MIS18BP1: variants seen among roughly 807,000 people sequenced by gnomAD.
MIS18BP1 encodes the protein mis18-binding protein 1.
Under a neutral mutation model 116.1 loss-of-function variants are expected in MIS18BP1, and 72 were observed. That is an observed-to-expected ratio of 0.62 (90% CI 0.51 to 0.75). MIS18BP1 has a LOEUF of 0.75. MIS18BP1 is among the 30% of genes least tolerant of loss of function. MIS18BP1 has a pLI of 0.00. For missense variants in MIS18BP1, 1,363 were observed against 1,303.2 expected (o/e 1.05, Z -0.71); for synonymous variants, 386 against 427.0 (o/e 0.90, Z 1.18).
chr14:45,224,730 C>G lies in MIS18BP1; in HGVS notation c.1857G>C (p.Leu619Phe). 1 of 1,572,154 alleles carries G rather than the reference C, an allele frequency of 6.4e-7. No homozygotes were observed. Among genetic ancestry groups the G allele is most frequent in the African/African-American group, 1.4e-5 (1 of 72,660 alleles). Residue 619 changes from leucine (L) to phenylalanine (F), a missense_variant, in exon 11 of 17, where the codon TTG becomes TTC. Leu to Phe is a conservative substitution (Grantham distance 22). Transcript: ENST00000310806. ...AGGTTAGAATATCAATGGATACATC[C>G]AATTCTTCAGTTGTCTCTTTAATTT... ...KSQKQETTEE[L>F]DVSIDILTSR...
At chr14:45,224,844 T>C (rs1891082967) in intron 10 of MIS18BP1, 98 bp from the exon 11 acceptor site, 1 of 950,310 alleles carries the variant, frequency 1.1e-6, no homozygotes, top group Admixed American at 3.0e-5. Context: ...AAAGATACTA[T>C]TTTTATCCAC....
At chr14:45,249,031 G>C (rs1306977626) in intron 1 of MIS18BP1, among the ~76,000 whole-genome samples, 1 of 151,068 alleles carries the variant, frequency 6.6e-6, no homozygotes, top group Non-Finnish European at 1.5e-5. Context: ...TCAGCCTCCA[G>C]AGTAGCTGGG....
chr14:45,225,510 T>C (rs1338160988), intron 10 of MIS18BP1, among the ~76,000 whole-genome samples: 1 of 152,088 alleles, frequency 6.6e-6, no homozygotes, highest in Admixed American at 6.5e-5. Context: ...CAGTAGTCAC[T>C]GAAACCTTAC....
intron 8 of MIS18BP1, among the ~76,000 whole-genome samples, chr14:45,230,190 C>T (rs1317587445): frequency 1.3e-5 from 2 of 152,162 alleles, no homozygotes; most frequent in African/African-American, 4.8e-5. Context: ...ATGTTTACAA[C>T]ATATTTTAGT....
chr14:45,214,679 G>T (rs1192263922), intron 13 of MIS18BP1, among the ~76,000 whole-genome samples: 1 of 152,176 alleles, frequency 6.6e-6, no homozygotes, highest in African/African-American at 2.4e-5. Context: ...GGAGGGGCAG[G>T]CCACCCCTTC....
At chr14:45,209,020 T>TTATA (rs905958806) in intron 14 of MIS18BP1, among the ~76,000 whole-genome samples, 4 of 152,150 alleles carry the variant, frequency 2.6e-5, no homozygotes, top group Non-Finnish European at 5.9e-5. Flanking sequence ...TTTTATTTAT[T>TTATA]TATATGTTTC....
chr14:45,232,173 T>G (rs895703818), intron 7 of MIS18BP1, among the ~76,000 whole-genome samples: 1 of 152,076 alleles, frequency 6.6e-6, no homozygotes, highest in East Asian at 1.9e-4. Flanking sequence ...TCCCAGCACT[T>G]TGGGAGGCCA....
intron 1 of MIS18BP1, among the ~76,000 whole-genome samples, chr14:45,251,760 C>G (rs751156485): frequency 3.3e-5 from 5 of 152,050 alleles, no homozygotes; most frequent in Non-Finnish European, 7.4e-5. Flanking sequence ...TAATAGAATA[C>G]AAAAGGCCAA....
At chr14:45,231,014 G>T in intron 8 of MIS18BP1, 127 bp downstream of exon 8, 1 of 829,912 alleles carries the variant, frequency 1.2e-6, no homozygotes, top group South Asian at 3.3e-5. Context: ...CAGGAATGTG[G>T]GGGCAGTATA....
chr14:45,211,230 G>A (rs956471376), intron 13 of MIS18BP1, among the ~76,000 whole-genome samples: 1 of 152,136 alleles, frequency 6.6e-6, no homozygotes, highest in African/African-American at 2.4e-5. Context: ...ATCTGGTCAT[G>A]TATTTCCTTA....
intron 14 of MIS18BP1, among the ~76,000 whole-genome samples, chr14:45,208,393 C>T (rs555493480): frequency 1.3e-4 from 18 of 137,614 alleles, no homozygotes; most frequent in Non-Finnish European, 6.0e-5. Context: ...AGTGCAATGG[C>T]GTGATCTCGG....
Position 45,235,929 on chromosome 14 carries a change from T to C in MIS18BP1, c.1233A>G (p.Ile411Met). 6.2e-7 allele frequency: 1 copy of C among 1,606,114 alleles called. No homozygotes were observed. The highest frequency in any genetic ancestry group is 8.5e-7 in the Non-Finnish European group (1 of 1,177,094). The change falls in exon 6 of 17, where the codon ATA becomes ATG. Residue 411 changes from isoleucine to methionine, a missense_variant. Ile to Met is a conservative substitution (Grantham distance 10). Coordinates refer to ENST00000310806, the MANE Select transcript of MIS18BP1 (RefSeq NM_018353.5). ...VEGKLIDVTNIYWHSNVIIER... is the reference protein window; with the variant it reads ...VEGKLIDVTNMYWHSNVIIER... ...CTATAATTACATTACTGTGCCAATA[T>C]ATGTTAGTGACGTCTCTAGGAAAAA...
chr14:45,209,190 AC>A (rs59099809), intron 14 of MIS18BP1, among the ~76,000 whole-genome samples: 28 of 152,208 alleles, frequency 1.8e-4, no homozygotes, highest in African/African-American at 6.5e-4. Flanking sequence ...ACACACACAC[AC>A]AAGTATATAC....
In MIS18BP1 at chr14:45,205,962, G is replaced by T. The variant is rs1331690897; in HGVS notation, c.3240+121C>A. On this transcript the variant is annotated intron_variant, in intron 15 of 16. Transcript: ENST00000310806. ...TTACCTCATTCATGGCTTCATTATT[G>T]TAACTTGTTACATTATAATCACCTC... The T allele has an allele frequency of 4.8e-5, 29 of 597,990 alleles. 1 individual carries two copies. The Admixed American group carries it at 8.8e-4, about 18-fold the overall frequency. The allele number at this position is 597,990 out of a possible 1,614,324, so 37.0% of individuals were successfully genotyped here. A position where few individuals can be genotyped will look rare whatever the true frequency, so the allele number is the denominator to read the frequency against.
At chr14:45,249,184 T>A (rs1566824932) in intron 1 of MIS18BP1, among the ~76,000 whole-genome samples, 2 of 152,108 alleles carry the variant, frequency 1.3e-5, no homozygotes, top group South Asian at 4.1e-4. Context: ...CTCCACCTCA[T>A]GGGTTCAAGC....
In MIS18BP1 at chr14:45,239,471, G is replaced by A. The variant is rs557251493; in HGVS notation, c.1144-1750C>T. Among the ~76,000 whole-genome samples, 263 of 151,570 alleles carry A rather than the reference G, an allele frequency of 1.7e-3. 1 individual carries two copies. The highest frequency in any genetic ancestry group is 6.8e-3 in the Middle Eastern group (2 of 294). On this transcript the variant is annotated intron_variant, in intron 4 of 16. Coordinates refer to ENST00000310806, the MANE Select transcript of MIS18BP1 (RefSeq NM_018353.5). ...ATTCTTCTAAGCACAGAGAGTCAGC[G>A]CAGAGATCCAGGTAGGCAGCATGGA... is the stretch of plus-strand genomic sequence containing the variant.
At chr14:45,218,851 GCTCTTAGTT>G (rs1410477322) in intron 11 of MIS18BP1, among the ~76,000 whole-genome samples, 3 of 136,250 alleles carry the variant, frequency 2.2e-5, no homozygotes, top group African/African-American at 7.5e-5. Flanking sequence ...TGGACAATAA[GCTCTTAGTT>G]CTCTTATACA....
Position 45,210,593 on chromosome 14 carries a change from T to C in MIS18BP1, c.3004-65A>G. 3.8e-6 allele frequency: 6 copies of C among 1,582,510 alleles called. 1 individual carries two copies. Among genetic ancestry groups the C allele is most frequent in the Middle Eastern group, 3.4e-4 (2 of 5,942 alleles). ...AAGGTATTTTCTCATTATCACAAAA[T>C]AGTTTTGGAGGACTGATAAGTTGGT... On this transcript the variant is annotated intron_variant, in intron 13 of 16. Transcript: ENST00000310806.
At chr14:45,230,064 G>A (rs1416551367) in intron 8 of MIS18BP1, among the ~76,000 whole-genome samples, 1 of 152,150 alleles carries the variant, frequency 6.6e-6, no homozygotes, top group East Asian at 1.9e-4. Flanking sequence ...ATAGGATACA[G>A]GTACATTTAT....
Sources: gnomAD v4.1 joint callset for allele counts (sites outside exome capture counted in the v4.1 genomes callset) on GRCh38, gnomAD v4.1.1 for gene constraint, MANE v1.5 for transcripts, NCBI Gene and HGNC (gene_info 2026-07-23, HGNC 2026-07-21) for gene names.